ASIC2: variants seen among roughly 807,000 people sequenced by gnomAD.
The protein encoded by ASIC2 is acid-sensing ion channel 2.
Under a neutral mutation model 57.3 loss-of-function variants are expected in ASIC2, and 25 were observed. The ratio of observed to expected loss-of-function variants is 0.44; its 90% CI spans 0.32 to 0.61. The LOEUF (loss-of-function observed/expected upper bound fraction) is 0.61, where lower values mean the gene tolerates loss of function less well. ASIC2 is among the 20% of genes least tolerant of loss of function. The pLI, the probability that ASIC2 is intolerant of heterozygous loss-of-function variation, is 0.06. For missense variants in ASIC2, 641 were observed against 738.1 expected, an observed-to-expected ratio of 0.87 and a Z score of 1.52; for synonymous variants, 319 against 307.5, an observed-to-expected ratio of 1.04 and a Z score of -0.39.
At chr17:34,039,763 T>C in intron 1 of ASIC2, 2 of 1,612,016 alleles carry the variant, frequency 1.2e-6, no homozygotes, top group Non-Finnish European at 1.7e-6. Flanking sequence ...GCACAAGCTC[T>C]GGTTGGAAGA....
At chr17:33,181,947 G>A (rs919261523) in intron 1 of ASIC2, among the ~76,000 whole-genome samples, 14 of 152,200 alleles carry the variant, frequency 9.2e-5, no homozygotes, top group African/African-American at 3.1e-4. Context: ...ATAGTGGCCA[G>A]GGCCAGATCG....
chr17:33,228,295 G>A (rs1049199118), intron 1 of ASIC2, among the ~76,000 whole-genome samples: 3 of 152,142 alleles, frequency 2.0e-5, no homozygotes, highest in Admixed American at 6.5e-5. Flanking sequence ...CTACTGAATC[G>A]AACACTTGAA....
intron 1 of ASIC2, among the ~76,000 whole-genome samples, chr17:34,027,343 G>A (rs535472913): frequency 6.4e-4 from 97 of 152,194 alleles, no homozygotes; most frequent in African/African-American, 2.1e-3. Context: ...ATTTAAGTTC[G>A]CTGACATCTT....
At chr17:34,012,025 C>T (rs1906784927) in intron 1 of ASIC2, among the ~76,000 whole-genome samples, 1 of 152,198 alleles carries the variant, frequency 6.6e-6, no homozygotes. Flanking sequence ...CAACTTTTCT[C>T]TGTTCTGCCA....
chr17:33,074,030 T>A (rs1469155123), intron 3 of ASIC2, among the ~76,000 whole-genome samples: 1 of 152,166 alleles, frequency 6.6e-6, no homozygotes, highest in Non-Finnish European at 1.5e-5. Flanking sequence ...TGCTTTCCAG[T>A]GAGCTCTTCC....
chr17:33,898,591 A>G (rs1915161246), intron 1 of ASIC2, among the ~76,000 whole-genome samples: 1 of 152,166 alleles, frequency 6.6e-6, no homozygotes, highest in South Asian at 2.1e-4. Flanking sequence ...CGGGAAATTA[A>G]CAGTGGTATA....
intron 1 of ASIC2, among the ~76,000 whole-genome samples, chr17:33,302,244 C>T (rs1424282451): frequency 6.6e-6 from 1 of 152,192 alleles, no homozygotes; most frequent in Non-Finnish European, 1.5e-5. Context: ...CATAACAAAA[C>T]TCTCGTTAAA....
intron 1 of ASIC2, among the ~76,000 whole-genome samples, chr17:33,689,968 C>T (rs376296226): frequency 3.3e-5 from 5 of 152,232 alleles, no homozygotes; most frequent in African/African-American, 4.8e-5. Flanking sequence ...TTTCAGACTC[C>T]GGTCTCCAAA....
At chr17:34,105,803 A>G (rs2142104971) in intron 1 of ASIC2, among the ~76,000 whole-genome samples, 1 of 152,136 alleles carries the variant, frequency 6.6e-6, no homozygotes, top group East Asian at 1.9e-4. Context: ...TCTGAAGGTG[A>G]TTTATATATA....
chr17:33,681,466 G>A (rs909069517), intron 1 of ASIC2, among the ~76,000 whole-genome samples: 4 of 145,254 alleles, frequency 2.8e-5, no homozygotes, highest in African/African-American at 1.1e-4. Context: ...GTATATGTGG[G>A]TTGGGAACTA....
At chr17:33,522,148 A>G (rs1189942018) in intron 1 of ASIC2, among the ~76,000 whole-genome samples, 3 of 152,102 alleles carry the variant, frequency 2.0e-5, no homozygotes, top group African/African-American at 7.2e-5. Flanking sequence ...CCTTCCTGTC[A>G]CTGCTGTCCC....
chr17:33,501,532 T>G (rs1914101232), intron 1 of ASIC2, among the ~76,000 whole-genome samples: 1 of 152,194 alleles, frequency 6.6e-6, no homozygotes, highest in African/African-American at 2.4e-5. Flanking sequence ...AACCTGTTAG[T>G]GCTAAGGTCC....
intron 1 of ASIC2, among the ~76,000 whole-genome samples, chr17:33,122,547 G>A (rs143530898): frequency 5.3e-5 from 8 of 152,036 alleles, no homozygotes; most frequent in Admixed American, 2.0e-4. Flanking sequence ...TTTAATTGAC[G>A]CATTTATGAG....
chr17:33,647,595 C>A (rs1438207237), intron 1 of ASIC2, among the ~76,000 whole-genome samples: 1 of 152,182 alleles, frequency 6.6e-6, no homozygotes, highest in African/African-American at 2.4e-5. Flanking sequence ...ATGGCCTCTG[C>A]CCTGCTGCTT....
intron 1 of ASIC2, among the ~76,000 whole-genome samples, chr17:33,742,065 C>T (rs1244919089): frequency 6.6e-6 from 1 of 152,174 alleles, no homozygotes; most frequent in Non-Finnish European, 1.5e-5. Context: ...AGAAATGGGG[C>T]CTGCATATAG....
At chr17:33,227,483 C>T (rs545612606) in intron 1 of ASIC2, among the ~76,000 whole-genome samples, 17 of 152,152 alleles carry the variant, frequency 1.1e-4, no homozygotes, top group Middle Eastern at 3.4e-3. Flanking sequence ...AGACCCAGTT[C>T]CCTTGGACAT....
chr17:33,675,224 C>A (rs1161331691), intron 1 of ASIC2, among the ~76,000 whole-genome samples: 1 of 152,186 alleles, frequency 6.6e-6, no homozygotes, highest in Non-Finnish European at 1.5e-5. Context: ...ACCTGTCATG[C>A]TCCATCTACC....
chr17:33,418,020 A>G (rs1910910982), intron 1 of ASIC2, among the ~76,000 whole-genome samples: 1 of 117,644 alleles, frequency 8.5e-6, no homozygotes, highest in African/African-American at 3.9e-5. Context: ...GGCTCTCAGC[A>G]TGTATGTATG....
At chr17:33,157,974 C>T (rs182165935) in intron 1 of ASIC2, among the ~76,000 whole-genome samples, 16 of 152,348 alleles carry the variant, frequency 1.1e-4, no homozygotes, top group African/African-American at 3.6e-4. Context: ...GCTGTTCCCT[C>T]CTCCTGGAAT....
Sources: allele counts gnomAD v4.1 joint callset (sites outside exome capture counted in the v4.1 genomes callset), GRCh38; gene constraint gnomAD v4.1.1; transcripts MANE v1.5; gene names NCBI Gene and HGNC (gene_info 2026-07-23, HGNC 2026-07-21).